FRY: variants seen among roughly 807,000 people sequenced by gnomAD.
FRY encodes the protein FRY microtubule binding protein, also known as protein furry homolog.
Under a neutral mutation model 348.4 loss-of-function variants are expected in FRY, and 128 were observed. The observed-to-expected ratio is 0.37, with a 90% confidence interval of 0.32 to 0.43. FRY has a LOEUF of 0.43. Among genes scored for constraint, FRY ranks in the 20% least tolerant of loss-of-function variants. The pLI is 1.00. For missense variants in FRY, 2,736 were observed against 3,695.2 expected (o/e 0.74, Z 6.73); for synonymous variants, 1,370 against 1,374.7 (o/e 1.00, Z 0.08).
chr13:32,122,360 G>A (rs1878715290), intron 4 of FRY, among the ~76,000 whole-genome samples: 1 of 151,564 alleles, frequency 6.6e-6, no homozygotes, highest in African/African-American at 2.4e-5. Flanking sequence ...GGATAATGGT[G>A]TGAACCCGGG....
intron 18 of FRY, among the ~76,000 whole-genome samples, chr13:32,172,138 A>T (rs995220060): frequency 7.3e-5 from 11 of 151,654 alleles, no homozygotes; most frequent in Non-Finnish European, 1.3e-4. Flanking sequence ...GTAGATGTGG[A>T]TATAGATGTG....
At chr13:32,125,446 C>G (rs1878960519) in intron 7 of FRY, among the ~76,000 whole-genome samples, 1 of 152,194 alleles carries the variant, frequency 6.6e-6, no homozygotes, top group Non-Finnish European at 1.5e-5. Flanking sequence ...TGATGTCACA[C>G]CCTACTTACC....
rs141476052 is a variant in FRY at position 32,203,069 on chromosome 13, C to A, written c.4018+542C>A. Reference sequence around the variant, plus strand: ...TATAATTGTTAAATGAAAAAAATTTCTTTATCTAAAGCAGTGTAGGCATAA... The same window carrying A: ...TATAATTGTTAAATGAAAAAAATTTATTTATCTAAAGCAGTGTAGGCATAA... On this transcript the variant is annotated intron_variant, in intron 31 of 60. Transcript: ENST00000542859. Among the ~76,000 whole-genome samples the A allele has an allele frequency of 1.5e-3, 233 of 152,126 alleles. 6 individuals are homozygous for A. In the East Asian group the frequency reaches 0.04, roughly 26 times the overall value.
In FRY at chr13:32,131,798, G is replaced by A. The variant is rs1379338688; in HGVS notation, c.843G>A (p.Met281Ile). Residue 281 changes from methionine (M) to isoleucine (I), a missense_variant, in exon 8 of 61, where the codon ATG becomes ATA. Physicochemically the swap from Met to Ile is conservative, Grantham distance 10. Around this residue, in one of 9 missense-constraint regions of FRY, gnomAD observed 309 missense variants for 418.1 expected, o/e 0.74. Transcript: ENST00000542859. ...GCATGAAATTCTTTCGAATTAAGAT[G>A]TATCCAGTGGAGGATTTTGAGGCCT... ...IMGMKFFRIK[M>I]YPVEDFEASL... is the part of the protein sequence containing the mutation. 1.2e-6 allele frequency: 2 copies of A among 1,613,874 alleles called. No individual in the cohort carries two copies. The highest frequency in any genetic ancestry group is 1.1e-5 in the South Asian group (1 of 91,080).
intron 59 of FRY, among the ~76,000 whole-genome samples, chr13:32,291,186 A>G (rs1798635993): frequency 1.3e-5 from 2 of 152,180 alleles, no homozygotes; most frequent in South Asian, 2.1e-4. Context: ...AAGAGCCACA[A>G]GAGACAAACT....
At chr13:32,210,073 T>C (rs1269688460) in intron 33 of FRY, among the ~76,000 whole-genome samples, 1 of 152,220 alleles carries the variant, frequency 6.6e-6, no homozygotes, top group Non-Finnish European at 1.5e-5. Flanking sequence ...TGTTGTATTA[T>C]TACTAATAAG....
intron 1 of FRY, among the ~76,000 whole-genome samples, chr13:32,077,280 A>G (rs989742842): frequency 6.6e-6 from 1 of 152,222 alleles, no homozygotes; most frequent in African/African-American, 2.4e-5. Context: ...TGTTATGATT[A>G]AAGCCATGCA....
chr13:32,251,726 A>G (rs757322516), intron 49 of FRY, 152 bp from the exon 50 acceptor site: 2 of 661,304 alleles, frequency 3.0e-6, no homozygotes, highest in African/African-American at 1.8e-5. Flanking sequence ...TTTAATTGCT[A>G]TTTGTGTTCT....
intron 19 of FRY, among the ~76,000 whole-genome samples, chr13:32,174,577 T>G (rs975816296): frequency 1.3e-5 from 2 of 152,184 alleles, no homozygotes; most frequent in Non-Finnish European, 2.9e-5. Flanking sequence ...AGAGGTTAAC[T>G]GCCTCCTGCA....
intron 56 of FRY, chr13:32,275,284 A>G (rs1017963809): frequency 9.9e-6 from 3 of 302,508 alleles, no homozygotes; most frequent in Admixed American, 4.0e-5. Flanking sequence ...GCTACTCGGG[A>G]GGCTGAGGCA....
rs1173940500 is a variant in FRY, at chr13:32,194,199, A to G, written c.3648A>G (p.Gln1216=). ...TGCTACTGGAACTTAATCCTGACCA[A>G]ATAAATCTTTTTAACTGGGCAATTG... The part of the protein sequence containing the change: ...VVLLLELNPD[Q]INLFNWAIDR... The change falls in exon 29 of 61, where the codon CAA becomes CAG. Residue 1216 remains glutamine (Q), a synonymous_variant. Coordinates refer to ENST00000542859, the MANE Select transcript of FRY (RefSeq NM_023037.3). The G allele has an allele frequency of 6.2e-7, 1 of 1,614,044 alleles. No individual in the cohort carries two copies. The highest frequency in any genetic ancestry group is 1.7e-5 in the Admixed American group (1 of 60,026).
chr13:32,185,052 C>A lies in FRY; in HGVS notation c.3223C>A (p.Leu1075Ile). 2 of 1,613,546 alleles carry A rather than the reference C, an allele frequency of 1.2e-6. No homozygotes were observed. The highest frequency in any genetic ancestry group is 1.7e-6 in the Non-Finnish European group (2 of 1,179,448). ...AGAATATGTGGACTTGACCCGCATG[C>A]TCCTAGAAGCTGAAAATGACAAAGA... ...FLEYVDLTRMLLEAENDKEVE... is the reference protein window; with the variant it reads ...FLEYVDLTRMILEAENDKEVE... The change falls in exon 26 of 61, where the codon CTC becomes ATC. Residue 1075 changes from leucine (L) to isoleucine (I), a missense_variant. Around this residue, in one of 9 missense-constraint regions of FRY, gnomAD observed 449 missense variants for 576.9 expected, o/e 0.78. Coordinates refer to ENST00000542859, the MANE Select transcript of FRY (RefSeq NM_023037.3).
At chr13:32,268,933 G>T (rs1036702888) in intron 55 of FRY, among the ~76,000 whole-genome samples, 3 of 151,896 alleles carry the variant, frequency 2.0e-5, no homozygotes, top group Non-Finnish European at 4.4e-5. Context: ...ATAATGCAAA[G>T]GAAAAAAATG....
In FRY at chr13:32,210,937, G is replaced by A. The variant is rs1566136093; in HGVS notation, c.4494G>A (p.Leu1498=). The A allele has an allele frequency of 6.2e-7, 1 of 1,613,848 alleles. No individual in the cohort carries two copies. Among genetic ancestry groups the A allele is most frequent in the Admixed American group, 1.7e-5 (1 of 60,012 alleles). ...IQTMEELLFE[L]QQTEPVNPIV... The stretch of plus-strand genomic sequence containing the variant: ...CCATGGAAGAGCTTCTCTTTGAGCT[G>A]CAGCAGACAGAGCCCGTGAACCCCA... Residue 1498 remains leucine (L), a synonymous_variant, in exon 34 of 61, where the codon CTG becomes CTA. Coordinates refer to ENST00000542859, the MANE Select transcript of FRY (RefSeq NM_023037.3).
intron 31 of FRY, 114 bp from the exon 32 acceptor site, chr13:32,208,739 G>A: frequency 1.5e-6 from 2 of 1,305,886 alleles, no homozygotes; most frequent in South Asian, 2.4e-5. Context: ...TCCTGTATGT[G>A]AAAATGTTTT....
chr13:32,294,772 C>T (rs907855576), intron 60 of FRY, among the ~76,000 whole-genome samples: 1 of 152,128 alleles, frequency 6.6e-6, no homozygotes, highest in Non-Finnish European at 1.5e-5. Flanking sequence ...GGCCATTTGT[C>T]GTCCCTAAAA....
At chr13:32,122,420 C>T (rs567090226) in intron 4 of FRY, among the ~76,000 whole-genome samples, 33 of 146,330 alleles carry the variant, frequency 2.3e-4, no homozygotes, top group African/African-American at 6.9e-4. Context: ...CCAGCCTGGA[C>T]GACAGAGTGA....
chr13:32,287,101 G>A (rs1452667962), intron 58 of FRY, among the ~76,000 whole-genome samples: 1 of 151,134 alleles, frequency 6.6e-6, no homozygotes, highest in African/African-American at 2.4e-5. Context: ...GGAGGCGGAG[G>A]TTGCAATGAG....
chr13:32,165,873 A>G (rs1353353364), intron 17 of FRY, among the ~76,000 whole-genome samples: 2 of 152,100 alleles, frequency 1.3e-5, no homozygotes, highest in African/African-American at 4.8e-5. Flanking sequence ...TCCAAGTTCT[A>G]TTTCCTCATT....
Sources: allele counts gnomAD v4.1 joint callset (sites outside exome capture counted in the v4.1 genomes callset), GRCh38; gene constraint gnomAD v4.1.1; regional missense constraint gnomAD v4.1.1; transcripts MANE v1.5; gene names NCBI Gene and HGNC (gene_info 2026-07-23, HGNC 2026-07-21).